The following IL21R variants were observed in gnomAD, a reference collection of about 807,000 sequenced individuals.
The protein encoded by IL21R is interleukin 21 receptor, also known as interleukin-21 receptor.
Under a neutral mutation model 41.3 loss-of-function variants are expected in IL21R, and 14 were observed. That is an observed-to-expected ratio of 0.34 (90% CI 0.22 to 0.53). The LOEUF is 0.53. Ranked by LOEUF, IL21R falls within the 20% of genes least tolerant of loss-of-function variation. The pLI, the probability that IL21R is intolerant of heterozygous loss-of-function variation, is 0.94. For missense variants in IL21R, 588 were observed against 681.6 expected, an observed-to-expected ratio of 0.86 and a Z score of 1.53; for synonymous variants, 286 against 287.6, an observed-to-expected ratio of 0.99 and a Z score of 0.05.
At chr16:27,431,326 G>T (rs1596583171) in intron 2 of IL21R, among the ~76,000 whole-genome samples, 1 of 152,186 alleles carries the variant, frequency 6.6e-6, no homozygotes, top group South Asian at 2.1e-4. Context: ...CAGATAACAA[G>T]CCCTGGCTGC....
intron 5 of IL21R, 77 bp downstream of exon 5, chr16:27,443,193 G>T: frequency 7.5e-7 from 1 of 1,329,250 alleles, no homozygotes. Flanking sequence ...CTGGGTGGGA[G>T]AGACGGGTGA....
intron 1 of IL21R, among the ~76,000 whole-genome samples, 158 bp from the exon 2 acceptor site, chr16:27,429,898 G>A (rs1459661882): frequency 6.6e-6 from 1 of 152,214 alleles, no homozygotes; most frequent in Non-Finnish European, 1.5e-5. Context: ...AGAGGTGGGA[G>A]TTCTTGGGGT....
At chr16:27,425,255 G>T (rs1380494760) in intron 1 of IL21R, among the ~76,000 whole-genome samples, 5 of 152,190 alleles carry the variant, frequency 3.3e-5, no homozygotes, top group Non-Finnish European at 7.3e-5. Context: ...TTGCCCTCAG[G>T]GGTCAGCCTG....
At chr16:27,425,754 C>T (rs568876850) in intron 1 of IL21R, among the ~76,000 whole-genome samples, 1 of 152,190 alleles carries the variant, frequency 6.6e-6, no homozygotes, top group African/African-American at 2.4e-5. Context: ...TGGGGTTTCG[C>T]CGTGTTGGCC....
Position 27,450,153 on chromosome 16 carries a change from C to A in IL21R, c.*870C>A, listed in dbSNP as rs3093411. The A allele has an allele frequency of 4.3e-6, 1 of 232,996 alleles. No homozygotes were observed. The highest frequency in any genetic ancestry group is 5.6e-5 in the Admixed American group (1 of 17,782). 14.4% of individuals were successfully genotyped at this position (232,996 alleles called of 1,614,324 possible). ...AGCCTGGGCACCCGCGGGGCCGTCC[C>A]GCCTGCAGAGGGCCACTCGGGGGGG... On this transcript the variant is annotated 3_prime_UTR_variant, in exon 9 of 9. Transcript: ENST00000337929.
intron 2 of IL21R, 38 bp downstream of exon 2, chr16:27,430,158 C>G: frequency 6.3e-7 from 1 of 1,578,518 alleles, no homozygotes. Context: ...TGGGGAGGGC[C>G]CCCATCACAG....
At chr16:27,436,403 A>G (rs1021724589) in intron 3 of IL21R, among the ~76,000 whole-genome samples, 2 of 152,126 alleles carry the variant, frequency 1.3e-5, no homozygotes, top group Non-Finnish European at 2.9e-5. Context: ...AATAGGGAGG[A>G]GGTCAGTGTG....
rs891804811 is a variant in IL21R at position 27,449,725 on chromosome 16, C to T, written c.*442C>T. On this transcript the variant is annotated 3_prime_UTR_variant, in exon 9 of 9. Coordinates refer to ENST00000337929, the MANE Select transcript of IL21R (RefSeq NM_181078.3). ...TCTCCGGGGCTTTGTGGGATCAGGG[C>T]ATTGCCTGTGACTGAGGCGGAGCCC... is the stretch of plus-strand genomic sequence containing the variant. 4.1e-5 allele frequency: 10 copies of T among 244,402 alleles called. No individual in the cohort carries two copies. The highest frequency in any genetic ancestry group is 1.7e-4 in the African/African-American group (8 of 45,726). 15.1% of individuals were successfully genotyped at this position (244,402 alleles called of 1,614,324 possible). A position where few individuals can be genotyped will look rare whatever the true frequency, so the allele number is the denominator to read the frequency against.
chr16:27,414,527 T>G (rs1462905649), intron 1 of IL21R, among the ~76,000 whole-genome samples: 1 of 152,072 alleles, frequency 6.6e-6, no homozygotes, highest in African/African-American at 2.4e-5. Context: ...ATGTCAAGTT[T>G]TGGTATTAAG....
In IL21R at chr16:27,448,738, T is replaced by G. The variant is rs781457680; in HGVS notation, c.1072T>G (p.Ser358Ala). 6.2e-7 allele frequency: 1 copy of G among 1,613,442 alleles called. No homozygotes were observed. The highest frequency in any genetic ancestry group is 1.3e-5 in the African/African-American group (1 of 75,042). ...KPSFWPTAQN[S>A]GGSAYSEERD... ...CAGCTTCTGGCCGACAGCCCAGAAC[T>G]CGGGGGGCTCAGCTTACAGTGAGGA... The change falls in exon 9 of 9, where the codon TCG becomes GCG. Residue 358 changes from serine (S) to alanine (A), a missense_variant. Transcript: ENST00000337929.
At position 27,444,639 on chromosome 16, in the gene IL21R, C is replaced by T. The variant is rs147673485; in HGVS notation, c.605C>T (p.Ala202Val). Reference protein sequence around the residue: ...KDSSYELQVRAGPMPGSSYQG... With the variant: ...KDSSYELQVRVGPMPGSSYQG... ...TCGAGCTATGAGCTGCAGGTGCGGG[C>T]AGGGCCCATGCCTGGCTCCTCCTAC... The change falls in exon 6 of 9, where the codon GCA becomes GTA. Residue 202 changes from alanine to valine, a missense_variant. Physicochemically the swap from Ala to Val is moderately conservative, Grantham distance 64. Coordinates refer to ENST00000337929, the MANE Select transcript of IL21R (RefSeq NM_181078.3). 8.7e-5 allele frequency: 139 copies of T among 1,589,142 alleles called. No homozygotes were observed. The African/African-American group carries it at 1.8e-3, about 21-fold the overall frequency.
intron 1 of IL21R, among the ~76,000 whole-genome samples, chr16:27,414,565 A>C (rs1291883140): frequency 6.9e-6 from 1 of 145,600 alleles, no homozygotes; most frequent in Non-Finnish European, 1.5e-5. Flanking sequence ...ACATCAATGA[A>C]AGCACTGATG....
chr16:27,403,096 G>T, intron 1 of IL21R: 3 of 582,846 alleles, frequency 5.1e-6, no homozygotes, highest in East Asian at 4.2e-5. Context: ...CAATGAGGCT[G>T]CGAGAGGTAG....
intron 4 of IL21R, among the ~76,000 whole-genome samples, chr16:27,440,815 T>C (rs909755958): frequency 2.7e-5 from 4 of 150,298 alleles, no homozygotes; most frequent in Non-Finnish European, 4.4e-5. Context: ...CTTTGGGAGG[T>C]TGAGGTGGGT....
Position 27,448,902 on chromosome 16 carries a change from A to T in IL21R, c.1236A>T (p.Pro412=), listed in dbSNP as rs772608088. The T allele has an allele frequency of 6.8e-6, 11 of 1,611,412 alleles. No homozygotes were observed. In the South Asian group the frequency reaches 1.2e-4, roughly 18 times the overall value. ...TGGATGCTGGCCTGGAGCCCAGCCCAGGCCTAGAGGACCCACTCTTGGATG... is the reference window on the plus strand; with the variant it reads ...TGGATGCTGGCCTGGAGCCCAGCCCTGGCCTAGAGGACCCACTCTTGGATG... ...LDLDAGLEPS[P]GLEDPLLDAG... Residue 412 remains proline, a synonymous_variant, in exon 9 of 9, where the codon CCA becomes CCT. Coordinates refer to ENST00000337929, the MANE Select transcript of IL21R (RefSeq NM_181078.3).
intron 1 of IL21R, among the ~76,000 whole-genome samples, chr16:27,410,981 GTAACA>G (rs2086814045): frequency 6.6e-6 from 1 of 152,118 alleles, no homozygotes; most frequent in Admixed American, 6.6e-5. Flanking sequence ...CATCCATGTC[GTAACA>G]TATGACAGGA....
intron 1 of IL21R, among the ~76,000 whole-genome samples, chr16:27,413,040 C>G (rs2086844605): frequency 6.6e-6 from 1 of 152,078 alleles, no homozygotes; most frequent in African/African-American, 2.4e-5. Flanking sequence ...ATGCCTTGTT[C>G]CTGATCTTAG....
At chr16:27,403,293 G>A (rs2086689436) in intron 1 of IL21R, 1 of 1,285,538 alleles carries the variant, frequency 7.8e-7, no homozygotes, top group Non-Finnish European at 1.0e-6. Context: ...GCTGAGCCTT[G>A]AAGGATGGGA....
At chr16:27,437,282 G>A (rs773285129) in intron 3 of IL21R, among the ~76,000 whole-genome samples, 16 of 152,110 alleles carry the variant, frequency 1.1e-4, no homozygotes, top group Non-Finnish European at 1.6e-4. Context: ...AGCTGAGCCC[G>A]GACACAATTC....
Sources: allele counts gnomAD v4.1 joint callset (sites outside exome capture counted in the v4.1 genomes callset), GRCh38; gene constraint gnomAD v4.1.1; transcripts MANE v1.5; gene names NCBI Gene and HGNC (gene_info 2026-07-23, HGNC 2026-07-21).